SLCO3A1: variants seen among roughly 807,000 people sequenced by gnomAD.
SLCO3A1 encodes PGE1 transporter.
Under a neutral mutation model 63.1 loss-of-function variants are expected in SLCO3A1, and 27 were observed. The ratio of observed to expected loss-of-function variants is 0.43; its 90% CI spans 0.32 to 0.59. SLCO3A1 has a LOEUF of 0.59. Ranked by LOEUF, SLCO3A1 falls within the 20% of genes least tolerant of loss-of-function variation. SLCO3A1 has a pLI of 0.09. For synonymous variants in SLCO3A1, 473 were observed against 409.9 expected (o/e 1.15, Z -1.86); for missense variants, 773 against 945.8 (o/e 0.82, Z 2.40).
At chr15:91,878,593 C>T (rs1370159972) in intron 1 of SLCO3A1, among the ~76,000 whole-genome samples, 3 of 152,256 alleles carry the variant, frequency 2.0e-5, no homozygotes, top group Admixed American at 6.5e-5. Flanking sequence ...AGAATGGCAT[C>T]GTGACAGGGA....
chr15:92,067,021 C>T (rs1414962138), intron 2 of SLCO3A1, among the ~76,000 whole-genome samples: 1 of 152,178 alleles, frequency 6.6e-6, no homozygotes, highest in African/African-American at 2.4e-5. Context: ...TGCTTCTTCA[C>T]ACCTTGTATG....
At chr15:91,931,788 A>AAAACACACACACACACAC (rs1899237895) in intron 2 of SLCO3A1, among the ~76,000 whole-genome samples, 24 of 144,216 alleles carry the variant, frequency 1.7e-4, no homozygotes, top group Admixed American at 1.3e-3. Context: ...TAAGTGTGGA[A>AAAACACACACACACACAC]ACACACACAC....
chr15:91,985,868 C>T (rs1433057923), intron 2 of SLCO3A1, among the ~76,000 whole-genome samples: 4 of 152,158 alleles, frequency 2.6e-5, no homozygotes, highest in East Asian at 1.9e-4. Context: ...AATGAGTGCA[C>T]GGAGCTGGTT....
intron 2 of SLCO3A1, among the ~76,000 whole-genome samples, chr15:92,078,697 C>T (rs2047308003): frequency 6.6e-6 from 1 of 152,172 alleles, no homozygotes; most frequent in Non-Finnish European, 1.5e-5. Context: ...ACTTACTGTA[C>T]ATGTATCACT....
At chr15:92,037,027 A>C (rs189298351) in intron 2 of SLCO3A1, among the ~76,000 whole-genome samples, 1 of 152,298 alleles carries the variant, frequency 6.6e-6, no homozygotes. Flanking sequence ...TTGAGTGCTG[A>C]GTATACAGAA....
chr15:92,155,744 G>A (rs547188774), intron 9 of SLCO3A1, among the ~76,000 whole-genome samples: 5 of 152,208 alleles, frequency 3.3e-5, no homozygotes, highest in Admixed American at 1.3e-4. Flanking sequence ...CAACCCAACC[G>A]ACCTAAGTGA....
chr15:91,871,154 C>CT (rs1230135213), intron 1 of SLCO3A1, among the ~76,000 whole-genome samples: 14 of 152,166 alleles, frequency 9.2e-5, no homozygotes, highest in Admixed American at 9.2e-4. Context: ...TGAAGGCTAT[C>CT]TTTTTTCTTC....
chr15:92,089,818 A>T (rs2151532075), intron 2 of SLCO3A1, among the ~76,000 whole-genome samples: 1 of 152,324 alleles, frequency 6.6e-6, no homozygotes, highest in South Asian at 2.1e-4. Flanking sequence ...TGTCATGGGC[A>T]GAAACTCTTC....
chr15:92,142,877 T>G (rs185100045), intron 7 of SLCO3A1, among the ~76,000 whole-genome samples: 7 of 152,198 alleles, frequency 4.6e-5, no homozygotes, highest in African/African-American at 1.7e-4. Flanking sequence ...ATGGTAAATA[T>G]AATATAATCG....
chr15:92,147,660 T>C (rs115505086), intron 8 of SLCO3A1, among the ~76,000 whole-genome samples: 258 of 152,280 alleles, frequency 1.7e-3, no homozygotes, highest in African/African-American at 5.3e-3. Context: ...GACGGGTTAT[T>C]GTGCAGCAGG....
At chr15:91,971,763 T>C (rs1900882564) in intron 2 of SLCO3A1, among the ~76,000 whole-genome samples, 1 of 152,180 alleles carries the variant, frequency 6.6e-6, no homozygotes, top group African/African-American at 2.4e-5. Flanking sequence ...GAAAATGTTG[T>C]GAACAGAGGC....
chr15:92,107,570 G>A (rs575980604), intron 4 of SLCO3A1, among the ~76,000 whole-genome samples: 14 of 152,204 alleles, frequency 9.2e-5, no homozygotes, highest in Non-Finnish European at 1.6e-4. Flanking sequence ...GCTGAACGGC[G>A]TTGCATGTAT....
At position 91,894,512 on chromosome 15, in the gene SLCO3A1, G is replaced by A. The variant is rs1897954655; in HGVS notation, c.181-21481G>A. On this transcript the variant is annotated intron_variant, in intron 1 of 9. Coordinates refer to ENST00000318445, the MANE Select transcript of SLCO3A1 (RefSeq NM_013272.4). This position sits in a 1 kb window ranked among gnomAD's most constrained non-coding sequence, Gnocchi z 4.8. ...GACAGATTGGAATCTGCCAAGGTAG[G>A]GCCAAGTGATGGGTGGATTAGATGT... Among the ~76,000 whole-genome samples, 1 of 152,120 alleles carries A rather than the reference G, an allele frequency of 6.6e-6. No individual in the cohort carries two copies. Among genetic ancestry groups the A allele is most frequent in the Non-Finnish European group, 1.5e-5 (1 of 68,022 alleles).
At chr15:91,923,789 A>G (rs6496868) in intron 2 of SLCO3A1, among the ~76,000 whole-genome samples, 99,285 of 152,096 alleles carry the variant, frequency 0.65, 32,753 homozygotes, top group East Asian at 0.92. Context: ...GTTAAAAACC[A>G]TACTATAAAT....
chr15:91,898,270 A>C (rs1898058247), intron 1 of SLCO3A1, among the ~76,000 whole-genome samples: 1 of 152,212 alleles, frequency 6.6e-6, no homozygotes, highest in Admixed American at 6.5e-5. Context: ...CTGTAACTGG[A>C]GAGACAATGC....
chr15:92,053,421 T>A (rs934129731), intron 2 of SLCO3A1, among the ~76,000 whole-genome samples: 2 of 152,220 alleles, frequency 1.3e-5, no homozygotes, highest in Non-Finnish European at 2.9e-5. Context: ...TCACAACCGA[T>A]GACCAGTATC....
At position 91,863,389 on chromosome 15, in the gene SLCO3A1, T is replaced by C. The variant is rs1897092957; in HGVS notation, c.180+9301T>C. 6.6e-6 allele frequency among the ~76,000 whole-genome samples: 1 copy of C among 152,232 alleles called. No individual in the cohort carries two copies. Reference sequence around the variant, plus strand: ...GGGCAGGGCCCCCTTAAGGTTGGCTTTCGAGGTTGCTCGTGCAGTGTAGTG... The same window carrying C: ...GGGCAGGGCCCCCTTAAGGTTGGCTCTCGAGGTTGCTCGTGCAGTGTAGTG... On this transcript the variant is annotated intron_variant, in intron 1 of 9. Transcript: ENST00000318445. This position sits in a 1 kb window ranked among gnomAD's most constrained non-coding sequence, Gnocchi z 4.3.
chr15:92,061,873 G>T (rs1031191171), intron 2 of SLCO3A1, among the ~76,000 whole-genome samples: 7 of 152,244 alleles, frequency 4.6e-5, no homozygotes, highest in Admixed American at 1.3e-4. Context: ...GGAGCCACAA[G>T]GGTTTAGCTA....
chr15:91,868,727 G>C (rs1270728517), intron 1 of SLCO3A1, among the ~76,000 whole-genome samples: 1 of 152,096 alleles, frequency 6.6e-6, no homozygotes, highest in Non-Finnish European at 1.5e-5. Flanking sequence ...ATGATCTTGT[G>C]AATACCAAAT....
Sources: gnomAD v4.1 joint callset for allele counts (sites outside exome capture counted in the v4.1 genomes callset) on GRCh38, gnomAD v4.1.1 for gene constraint, Gnocchi (gnomAD v3.1) non-coding constraint, MANE v1.5 for transcripts, NCBI Gene and HGNC (gene_info 2026-07-23, HGNC 2026-07-21) for gene names.